Variants in ANO2 observed in about 807,000 individuals in gnomAD.
ANO2 encodes the protein anoctamin-2.
In ANO2, 101 loss-of-function variants were observed where a neutral mutation model predicts 124.2. That is an observed-to-expected ratio of 0.81 (90% confidence interval 0.69 to 0.96). ANO2 has a LOEUF of 0.96. Among genes scored for constraint, ANO2 ranks in the 40% least tolerant of loss-of-function variants. The pLI, the probability that ANO2 is intolerant of heterozygous loss-of-function variation, is 0.00. For missense variants in ANO2, 1,293 were observed against 1,274.5 expected (o/e 1.01, Z -0.22); for synonymous variants, 486 against 482.5 (o/e 1.01, Z -0.09).
intron 1 of ANO2, among the ~76,000 whole-genome samples, chr12:5,944,218 G>A (rs1011553887): frequency 1.9e-4 from 29 of 151,408 alleles, no homozygotes; most frequent in Admixed American, 1.8e-3. Context: ...ACAAAGGCTC[G>A]GCAGGTGGAG....
intron 9 of ANO2, among the ~76,000 whole-genome samples, chr12:5,803,422 G>C (rs191949464): frequency 1.3e-5 from 2 of 152,148 alleles, no homozygotes; most frequent in African/African-American, 4.8e-5. Flanking sequence ...TATCCACTAG[G>C]GAAGACACCC....
chr12:5,875,923 C>T (rs1938067438), intron 3 of ANO2, among the ~76,000 whole-genome samples: 1 of 152,018 alleles, frequency 6.6e-6, no homozygotes, highest in Admixed American at 6.5e-5. Flanking sequence ...CTAAAGAACT[C>T]AAGCCCATAG....
chr12:5,731,329 C>T (rs188519474), intron 14 of ANO2, among the ~76,000 whole-genome samples: 11 of 151,726 alleles, frequency 7.2e-5, no homozygotes, highest in Admixed American at 7.2e-4. Context: ...CTCAGAGGGC[C>T]ACCCTCTCTG....
chr12:5,693,532 A>G (rs1159523457), intron 14 of ANO2, among the ~76,000 whole-genome samples: 1 of 152,080 alleles, frequency 6.6e-6, no homozygotes, highest in Non-Finnish European at 1.5e-5. Context: ...AGTCTCCACT[A>G]AGCAACCAGA....
intron 4 of ANO2, among the ~76,000 whole-genome samples, chr12:5,848,065 T>G (rs1211212883): frequency 1.3e-5 from 2 of 152,196 alleles, no homozygotes; most frequent in Non-Finnish European, 2.9e-5. Flanking sequence ...ACTTTAACAT[T>G]ACATCCTCAG....
Position 5,806,059 on chromosome 12 carries a change from T to A in ANO2, c.983A>T (p.Asp328Val), listed in dbSNP as rs1191889500. 2 of 1,613,660 alleles carry A rather than the reference T, an allele frequency of 1.2e-6. No individual in the cohort carries two copies. Among genetic ancestry groups the A allele is most frequent in the Non-Finnish European group, 1.7e-6 (2 of 1,179,808 alleles). ...TGCACGAGGCAGGCTTACCTTCCTG[T>A]CATTCATATCGTCCTCTGGACTATC... Reference protein sequence around the residue: ...EYDSPEDDMNDRKLLYQEWAR... With the variant: ...EYDSPEDDMNVRKLLYQEWAR... Residue 328 changes from aspartate to valine, a missense_variant, in exon 9 of 25, where the codon GAC (aspartate) becomes GTC (valine). Transcript: ENST00000682330.
chr12:5,859,452 A>C (rs964582545), intron 3 of ANO2, among the ~76,000 whole-genome samples: 6 of 152,160 alleles, frequency 3.9e-5, no homozygotes, highest in Non-Finnish European at 7.4e-5. Flanking sequence ...AGGGAGAGTT[A>C]CCCAAGAAGA....
At chr12:5,918,620 T>C (rs1300460132) in intron 3 of ANO2, among the ~76,000 whole-genome samples, 1 of 152,038 alleles carries the variant, frequency 6.6e-6, no homozygotes, top group East Asian at 1.9e-4. Flanking sequence ...TTTGTATTTT[T>C]AGTAGAGACA....
At chr12:5,641,123 G>A (rs903273573) in intron 15 of ANO2, among the ~76,000 whole-genome samples, 2 of 151,750 alleles carry the variant, frequency 1.3e-5, no homozygotes, top group Non-Finnish European at 2.9e-5. Flanking sequence ...CTATCACAAG[G>A]GCAGAAAACC....
At chr12:5,691,275 C>T (rs1007217736) in intron 14 of ANO2, among the ~76,000 whole-genome samples, 2 of 141,648 alleles carry the variant, frequency 1.4e-5, no homozygotes, top group African/African-American at 5.3e-5. Context: ...TTGCAGTGAG[C>T]CGAGATCGCA....
intron 3 of ANO2, among the ~76,000 whole-genome samples, chr12:5,877,465 T>G (rs1232233033): frequency 6.6e-6 from 1 of 152,058 alleles, no homozygotes; most frequent in African/African-American, 2.4e-5. Flanking sequence ...AGAAATATGA[T>G]TGGGTTGAGC....
intron 4 of ANO2, among the ~76,000 whole-genome samples, chr12:5,837,565 G>A (rs1204801137): frequency 6.8e-6 from 1 of 146,004 alleles, no homozygotes; most frequent in Non-Finnish European, 1.5e-5. Flanking sequence ...CTATGAGTGA[G>A]AATATGCAGT....
intron 12 of ANO2, among the ~76,000 whole-genome samples, chr12:5,741,568 T>C (rs1672486170): frequency 1.3e-5 from 2 of 151,956 alleles, no homozygotes; most frequent in South Asian, 4.2e-4. Context: ...GGTGTCTCCA[T>C]GAAGGGAGGA....
At chr12:5,889,586 C>T (rs189062943) in intron 3 of ANO2, among the ~76,000 whole-genome samples, 5 of 152,272 alleles carry the variant, frequency 3.3e-5, no homozygotes, top group East Asian at 3.9e-4. Context: ...CTGTCTTACA[C>T]GTGTCCCATC....
Position 5,751,021 on chromosome 12 carries a change from T to C in ANO2, c.1056-51A>G. On this transcript the variant is annotated intron_variant, in intron 10 of 24. Coordinates refer to ENST00000682330, the MANE Select transcript of ANO2 (RefSeq NM_001364791.2). Reference sequence around the variant, plus strand: ...AACACATATTAAGAACATCATATACTTTCCTTATTTCTGTTTGTTCTATGC... The same window carrying C: ...AACACATATTAAGAACATCATATACCTTCCTTATTTCTGTTTGTTCTATGC... The C allele has an allele frequency of 2.0e-6, 3 of 1,500,354 alleles. No individual in the cohort carries two copies. In the South Asian group the frequency reaches 3.9e-5, roughly 19 times the overall value. 92.9% of individuals were successfully genotyped at this position (1,500,354 alleles called of 1,614,324 possible).
At chr12:5,762,901 A>C (rs1161211634) in intron 10 of ANO2, among the ~76,000 whole-genome samples, 1 of 151,880 alleles carries the variant, frequency 6.6e-6, no homozygotes, top group Non-Finnish European at 1.5e-5. Context: ...ATTGTGCTTC[A>C]TATTGTCTTT....
In ANO2 at chr12:5,563,380, G is replaced by A. The variant is rs1242452478; in HGVS notation, c.2916C>T (p.Ser972=). Reference sequence around the variant, plus strand: ...CTGAAGGTGCTGAGCTGGCTGCCCGGCTCCTGCTTCGATCCCCACCTCCTG... The same window carrying A: ...CTGAAGGTGCTGAGCTGGCTGCCCGACTCCTGCTTCGATCCCCACCTCCTG... The part of the protein sequence containing the change: ...RSPGGGDRSR[S]RAASSAPSGQ... Residue 972 remains serine, a synonymous_variant, in exon 25 of 25, where the codon AGC becomes AGT. Transcript: ENST00000682330. The A allele has an allele frequency of 3.1e-6, 5 of 1,605,818 alleles. 1 individual carries two copies. The highest frequency in any genetic ancestry group is 2.2e-5 in the South Asian group (2 of 89,736).
chr12:5,845,200 G>A (rs1312270317), intron 4 of ANO2, among the ~76,000 whole-genome samples: 1 of 151,928 alleles, frequency 6.6e-6, no homozygotes, highest in Admixed American at 6.6e-5. Context: ...AGGAAGTCAA[G>A]GTTGCAATAA....
chr12:5,779,975 A>G (rs534805694), intron 10 of ANO2, among the ~76,000 whole-genome samples: 7 of 152,320 alleles, frequency 4.6e-5, no homozygotes, highest in South Asian at 2.1e-4. Context: ...AAAACAGGAA[A>G]TAATTGGGAC....
Sources: gnomAD v4.1 joint callset for allele counts (sites outside exome capture counted in the v4.1 genomes callset) on GRCh38, gnomAD v4.1.1 for gene constraint, MANE v1.5 for transcripts, NCBI Gene and HGNC (gene_info 2026-07-23, HGNC 2026-07-21) for gene names.